NELL1: variants seen among roughly 807,000 people sequenced by gnomAD.
NELL1 encodes the protein protein kinase C-binding protein NELL1.
In NELL1, 76 loss-of-function variants were observed where a neutral mutation model predicts 107.4. The observed-to-expected ratio is 0.71, with a 90% CI of 0.59 to 0.86. The LOEUF (loss-of-function observed/expected upper bound fraction) is 0.86. Among genes scored for constraint, NELL1 ranks in the 40% least tolerant of loss-of-function variants. The probability of loss-of-function intolerance (pLI) is 0.00; values close to 1 mark genes in which losing one functional copy is unlikely to be tolerated. For synonymous variants in NELL1, 353 were observed against 341.2 expected, an observed-to-expected ratio of 1.03 and a Z score of -0.38; for missense variants, 1,024 against 1,005.5, an observed-to-expected ratio of 1.02 and a Z score of -0.25.
chr11:21,337,195 A>G (rs1850422227), intron 14 of NELL1, among the ~76,000 whole-genome samples: 1 of 152,106 alleles, frequency 6.6e-6, no homozygotes, highest in Non-Finnish European at 1.5e-5. Flanking sequence ...CCTGGGGTGT[A>G]CTAGTCAGTC....
chr11:21,172,377 C>T (rs1008254514), intron 13 of NELL1, among the ~76,000 whole-genome samples: 1 of 151,722 alleles, frequency 6.6e-6, no homozygotes, highest in Non-Finnish European at 1.5e-5. Flanking sequence ...GGGTTTAAAC[C>T]CACATTTAAC....
chr11:21,272,305 C>G (rs1214167498), intron 14 of NELL1, among the ~76,000 whole-genome samples: 1 of 152,236 alleles, frequency 6.6e-6, no homozygotes, highest in Non-Finnish European at 1.5e-5. Context: ...TCACTCATTG[C>G]TAGCACAGCA....
chr11:20,797,668 T>A (rs1036932590), intron 3 of NELL1, among the ~76,000 whole-genome samples: 1 of 149,564 alleles, frequency 6.7e-6, no homozygotes, highest in African/African-American at 2.5e-5. Flanking sequence ...ATAATGGTGG[T>A]GCCAATTGAG....
chr11:21,388,011 A>G (rs556222543), intron 15 of NELL1, among the ~76,000 whole-genome samples: 1 of 151,786 alleles, frequency 6.6e-6, no homozygotes, highest in Non-Finnish European at 1.5e-5. Flanking sequence ...GAAATTGCTT[A>G]TGTTTGTAAA....
intron 11 of NELL1, among the ~76,000 whole-genome samples, chr11:20,954,777 C>G (rs60308950): frequency 0.062 from 9,485 of 152,190 alleles, 389 homozygotes; most frequent in East Asian, 0.2. Flanking sequence ...GTGAGTTTGT[C>G]TCACCGGCCC....
intron 4 of NELL1, among the ~76,000 whole-genome samples, chr11:20,858,712 A>G (rs978935724): frequency 6.6e-6 from 1 of 152,194 alleles, no homozygotes; most frequent in Non-Finnish European, 1.5e-5. Context: ...ATGGTTGGCT[A>G]TCATAGCCCC....
chr11:20,696,217 A>G (rs1395212738), intron 2 of NELL1, among the ~76,000 whole-genome samples: 3 of 151,976 alleles, frequency 2.0e-5, no homozygotes, highest in Non-Finnish European at 4.4e-5. Context: ...TTATACTTTC[A>G]AATACCCAAC....
chr11:21,320,730 A>G (rs867038737), intron 14 of NELL1, among the ~76,000 whole-genome samples: 1 of 152,200 alleles, frequency 6.6e-6, no homozygotes, highest in African/African-American at 2.4e-5. Context: ...GCTAGACATC[A>G]GCTCTAAAAG....
chr11:21,356,341 T>C (rs1565184689), intron 14 of NELL1, among the ~76,000 whole-genome samples: 2 of 152,168 alleles, frequency 1.3e-5, no homozygotes, highest in Non-Finnish European at 1.5e-5. Context: ...GTCTGCCTTT[T>C]TTCACCTTTG....
intron 15 of NELL1, among the ~76,000 whole-genome samples, chr11:21,371,941 C>G (rs1192410342): frequency 6.6e-6 from 1 of 152,020 alleles, no homozygotes; most frequent in African/African-American, 2.4e-5. Context: ...CCCTGACCAA[C>G]CTGTTATATT....
intron 14 of NELL1, among the ~76,000 whole-genome samples, chr11:21,287,083 T>C (rs1236444991): frequency 6.6e-6 from 1 of 152,222 alleles, no homozygotes; most frequent in African/African-American, 2.4e-5. Context: ...TAAAAGATAA[T>C]TCTGAATAGA....
chr11:21,292,487 A>G (rs1024676681), intron 14 of NELL1, among the ~76,000 whole-genome samples: 4 of 152,202 alleles, frequency 2.6e-5, no homozygotes, highest in Admixed American at 2.6e-4. Context: ...CAGTATCGTG[A>G]AAATGGCCAT....
intron 3 of NELL1, among the ~76,000 whole-genome samples, chr11:20,837,358 A>G (rs1349969225): frequency 1.3e-5 from 2 of 152,160 alleles, no homozygotes; most frequent in African/African-American, 2.4e-5. Context: ...CTTACTTTAG[A>G]TACAAATAGA....
intron 5 of NELL1, among the ~76,000 whole-genome samples, chr11:20,917,133 C>T (rs11826187): frequency 0.017 from 2,657 of 152,052 alleles, 80 homozygotes; most frequent in African/African-American, 0.061. Flanking sequence ...CCTGGTATTC[C>T]TCTGCAAGAG....
At chr11:20,875,382 AG>A (rs1427457147) in intron 4 of NELL1, among the ~76,000 whole-genome samples, 1 of 152,130 alleles carries the variant, frequency 6.6e-6, no homozygotes, top group East Asian at 1.9e-4. Flanking sequence ...CCATCACACC[AG>A]CTTCAAATTT....
chr11:20,937,466 C>T (rs183045005), intron 9 of NELL1, among the ~76,000 whole-genome samples: 42 of 152,330 alleles, frequency 2.8e-4, no homozygotes, highest in African/African-American at 1.0e-3. Flanking sequence ...AACTGTACTC[C>T]ACAGCGATTG....
intron 3 of NELL1, among the ~76,000 whole-genome samples, chr11:20,828,245 ATGT>A (rs1464383895): frequency 6.6e-6 from 1 of 151,402 alleles, no homozygotes; most frequent in African/African-American, 2.4e-5. Flanking sequence ...TAATTGTCAA[ATGT>A]TATTATTATT....
chr11:20,868,270 G>A (rs1340496601), intron 4 of NELL1, among the ~76,000 whole-genome samples: 1 of 152,108 alleles, frequency 6.6e-6, no homozygotes, highest in Non-Finnish European at 1.5e-5. Flanking sequence ...CGTGCTAAGT[G>A]AAATAAGCCA....
chr11:21,286,013 A>G (rs141290462), intron 14 of NELL1, among the ~76,000 whole-genome samples: 70 of 152,330 alleles, frequency 4.6e-4, no homozygotes, highest in African/African-American at 1.6e-3. Flanking sequence ...TGAGACAGAG[A>G]AAAATAATGA....
Sources: gnomAD v4.1 joint callset for allele counts (sites outside exome capture counted in the v4.1 genomes callset) on GRCh38, gnomAD v4.1.1 for gene constraint, MANE v1.5 for transcripts, NCBI Gene and HGNC (gene_info 2026-07-23, HGNC 2026-07-21) for gene names.